The following NPNT variants were observed in gnomAD, a reference collection of about 807,000 sequenced individuals.
NPNT encodes nephronectin, also known as preosteoblast EGF-like repeat protein with MAM domain.
NPNT carries 45 observed loss-of-function variants against 68.6 expected under a neutral mutation model. The ratio of observed to expected loss-of-function variants is 0.66; its 90% CI spans 0.52 to 0.84. NPNT has a LOEUF of 0.84. NPNT is among the 40% of genes least tolerant of loss of function. NPNT has a pLI of 0.00. For missense variants in NPNT, 672 were observed against 714.8 expected, an observed-to-expected ratio of 0.94 and a Z score of 0.68; for synonymous variants, 233 against 253.3, an observed-to-expected ratio of 0.92 and a Z score of 0.76.
At chr4:105,898,056 G>C in intron 2 of NPNT, 55 bp downstream of exon 2, 1 of 1,196,806 alleles carries the variant, frequency 8.4e-7, no homozygotes, top group Non-Finnish European at 1.2e-6. Flanking sequence ...TTTCCACCTT[G>C]TTCATGGCTT....
chr4:105,958,425 C>G (rs780563684), intron 8 of NPNT, 46 bp from the exon 9 acceptor site: 3 of 1,132,044 alleles, frequency 2.7e-6, no homozygotes, highest in African/African-American at 1.5e-5. Flanking sequence ...TTTATCAATA[C>G]TTCACACACA....
chr4:105,962,024 C>A (rs983139772), intron 10 of NPNT, among the ~76,000 whole-genome samples: 5 of 152,102 alleles, frequency 3.3e-5, no homozygotes, highest in African/African-American at 1.2e-4. Flanking sequence ...AGTCACACAT[C>A]TGAGTGAGGG....
At chr4:105,925,471 G>A (rs543926739) in intron 2 of NPNT, among the ~76,000 whole-genome samples, 1 of 152,060 alleles carries the variant, frequency 6.6e-6, no homozygotes, top group African/African-American at 2.4e-5. Flanking sequence ...TGACAGTTGG[G>A]GGAGGAAAGG....
intron 8 of NPNT, among the ~76,000 whole-genome samples, chr4:105,943,708 T>G (rs959251930): frequency 4.1e-4 from 62 of 152,366 alleles, no homozygotes; most frequent in African/African-American, 1.5e-3. Flanking sequence ...TTGCATTCAC[T>G]CTTCCTGTCT....
intron 8 of NPNT, among the ~76,000 whole-genome samples, chr4:105,952,258 G>A (rs540223585): frequency 6.6e-6 from 1 of 152,146 alleles, no homozygotes; most frequent in South Asian, 2.1e-4. Flanking sequence ...AAACAAATTG[G>A]TTTGCAAGTG....
chr4:105,967,270 G>A lies in NPNT; in HGVS notation c.1428G>A (p.Met476Ile), dbSNP rs777581103. The change falls in exon 11 of 12, where the codon ATG becomes ATA. Residue 476 changes from methionine to isoleucine, a missense_variant. By Grantham distance (10) the Met-to-Ile change is conservative. Coordinates refer to ENST00000379987, the MANE Select transcript of NPNT (RefSeq NM_001033047.3). ...TGGTGCTACCTCTCGGCCGCCTCAT[G>A]CATTCAGGGGACCTGTGCCTGTCAT... ...ARLVLPLGRLMHSGDLCLSFR... is the reference protein window; with the variant it reads ...ARLVLPLGRLIHSGDLCLSFR... 1 of 1,613,922 alleles carries A rather than the reference G, an allele frequency of 6.2e-7. No homozygotes were observed. Among genetic ancestry groups the A allele is most frequent in the Non-Finnish European group, 8.5e-7 (1 of 1,180,006 alleles).
At chr4:105,956,080 A>C (rs1731202339) in intron 8 of NPNT, among the ~76,000 whole-genome samples, 2 of 152,038 alleles carry the variant, frequency 1.3e-5, no homozygotes, top group South Asian at 4.2e-4. Context: ...AATATTAATA[A>C]TTTATATTAA....
At chr4:105,923,719 C>CACAG (rs1209049984) in intron 2 of NPNT, among the ~76,000 whole-genome samples, 2 of 152,142 alleles carry the variant, frequency 1.3e-5, no homozygotes, top group Non-Finnish European at 2.9e-5. Flanking sequence ...CCCCTTCTTA[C>CACAG]ACAGCATTCC....
At chr4:105,940,933 GTTAAAA>G (rs1346555285) in intron 7 of NPNT, among the ~76,000 whole-genome samples, 2 of 152,048 alleles carry the variant, frequency 1.3e-5, no homozygotes, top group Non-Finnish European at 2.9e-5. Context: ...ATTTGCTTTT[GTTAAAA>G]TTAGAAATCA....
chr4:105,967,498 A>C, intron 11 of NPNT, 54 bp downstream of exon 11: 2 of 1,477,846 alleles, frequency 1.4e-6, no homozygotes, highest in Non-Finnish European at 9.0e-7. Context: ...TTCATAGGAG[A>C]ACTCTGGGAT....
chr4:105,971,141 A>G lies in NPNT; in HGVS notation c.*2151A>G. On this transcript the variant is annotated 3_prime_UTR_variant, in exon 12 of 12. Transcript: ENST00000379987. ...ATCCTTCAAGGAACACAGTTCAGAG[A>G]GATTTTCATCGGGTGCATTCTCTCT... 2.2e-6 allele frequency: 1 copy of G among 455,430 alleles called. No homozygotes were observed. Among genetic ancestry groups the G allele is most frequent in the South Asian group, 1.6e-5 (1 of 64,464 alleles). 28.2% of individuals were successfully genotyped at this position (455,430 alleles called of 1,614,324 possible).
intron 8 of NPNT, among the ~76,000 whole-genome samples, chr4:105,950,762 G>T (rs1730764520): frequency 6.6e-6 from 1 of 152,040 alleles, no homozygotes. Flanking sequence ...GTCAGGAAGA[G>T]CCCCCTCCTT....
chr4:105,920,418 A>C (rs1197226809), intron 2 of NPNT, among the ~76,000 whole-genome samples: 1 of 150,998 alleles, frequency 6.6e-6, no homozygotes. Flanking sequence ...AAAAAAAAAA[A>C]ACTTCACATT....
At chr4:105,942,262 A>T (rs1190465334) in intron 7 of NPNT, 45 bp from the exon 8 acceptor site, 1 of 1,468,572 alleles carries the variant, frequency 6.8e-7, no homozygotes, top group African/African-American at 1.4e-5. Flanking sequence ...TTCACTTTTT[A>T]GGGAGGAATG....
intron 2 of NPNT, among the ~76,000 whole-genome samples, chr4:105,925,053 A>G (rs1008118821): frequency 6.6e-6 from 1 of 151,980 alleles, no homozygotes; most frequent in Non-Finnish European, 1.5e-5. Context: ...TTAAGCTGGT[A>G]TTTCTTGGTG....
Position 105,937,144 on chromosome 4 carries a change from T to A in NPNT, c.385+16T>A, listed in dbSNP as rs921430142. On this transcript the variant is annotated intron_variant, in intron 4 of 11. Coordinates refer to ENST00000379987, the MANE Select transcript of NPNT (RefSeq NM_001033047.3). ...TCCTGCTCAAGTATGTCAAGAATCT[T>A]AACTGTTTTATAAGTGCTTTGGGCT... 14 of 1,612,180 alleles carry A rather than the reference T, an allele frequency of 8.7e-6. No individual in the cohort carries two copies. In the East Asian group the frequency reaches 3.1e-4, roughly 36 times the overall value.
At chr4:105,912,187 G>C in intron 2 of NPNT, 1 of 1,532,796 alleles carries the variant, frequency 6.5e-7, no homozygotes, top group Non-Finnish European at 8.7e-7. Flanking sequence ...TTGTTTTGCA[G>C]CTTTCTACGT....
At chr4:105,953,002 C>G (rs1307616504) in intron 8 of NPNT, among the ~76,000 whole-genome samples, 1 of 152,046 alleles carries the variant, frequency 6.6e-6, no homozygotes, top group Non-Finnish European at 1.5e-5. Context: ...CCTGTCTCTA[C>G]TAAAAATATA....
intron 6 of NPNT, 133 bp from the exon 7 acceptor site, chr4:105,940,381 C>A (rs969385303): frequency 6.2e-5 from 66 of 1,062,046 alleles, no homozygotes; most frequent in South Asian, 4.5e-5. Context: ...TAGTTTATTT[C>A]TTCTGTTTAT....
Sources: allele counts gnomAD v4.1 joint callset (sites outside exome capture counted in the v4.1 genomes callset), GRCh38; gene constraint gnomAD v4.1.1; transcripts MANE v1.5; gene names NCBI Gene and HGNC (gene_info 2026-07-23, HGNC 2026-07-21).